The following SLC20A2 variants were observed in gnomAD, a reference collection of about 807,000 sequenced individuals.
The protein encoded by SLC20A2 is sodium-dependent phosphate transporter 2.
SLC20A2 carries 30 observed loss-of-function variants against 61.0 expected under a neutral mutation model. The ratio of observed to expected loss-of-function variants is 0.49; its 90% CI spans 0.37 to 0.67. The LOEUF (loss-of-function observed/expected upper bound fraction) is 0.67, where lower values mean the gene tolerates loss of function less well. SLC20A2 is among the 30% of genes least tolerant of loss of function. The pLI is 0.00. For synonymous variants in SLC20A2, 351 were observed against 353.3 expected (o/e 0.99, Z 0.07); for missense variants, 626 against 866.4 (o/e 0.72, Z 3.48).
intron 1 of SLC20A2, among the ~76,000 whole-genome samples, chr8:42,537,345 C>T (rs1266727346): frequency 1.4e-5 from 2 of 143,614 alleles, no homozygotes; most frequent in African/African-American, 2.7e-5. Flanking sequence ...TACTCTAACC[C>T]GGGCGACAGA....
At chr8:42,443,004 A>G (rs1348528681) in intron 6 of SLC20A2, among the ~76,000 whole-genome samples, 5 of 152,036 alleles carry the variant, frequency 3.3e-5, no homozygotes, top group African/African-American at 7.2e-5. Context: ...GGGAATAGGA[A>G]AACAGCCTTG....
chr8:42,427,209 T>C (rs931425480), intron 10 of SLC20A2, among the ~76,000 whole-genome samples: 17 of 152,296 alleles, frequency 1.1e-4, no homozygotes, highest in Admixed American at 9.2e-4. Context: ...GGCACGTTAC[T>C]TAACTTTCCT....
intron 1 of SLC20A2, among the ~76,000 whole-genome samples, chr8:42,490,810 T>C (rs1406703000): frequency 2.0e-5 from 3 of 152,194 alleles, no homozygotes. Flanking sequence ...GCACAGCAGC[T>C]GAGGCAGAAA....
Position 42,437,612 on chromosome 8 carries a change from CTT to C in SLC20A2, c.935-37_935-36del, listed in dbSNP as rs754056948. 1,518 of 1,174,066 alleles carry C rather than the reference CTT, an allele frequency of 1.3e-3. No individual in the cohort carries two copies. The highest frequency in any genetic ancestry group is 1.6e-3 in the Admixed American group (56 of 34,308). The allele number at this position is 1,174,066 out of a possible 1,614,324, so 72.7% of individuals were successfully genotyped here. ...GTTAGAGAAGGTCTCATTTTCCAGT[CTT>C]TTTTTTTTTTTTCTTTTCTTTTTGA... On this transcript the variant is annotated intron_variant, in intron 7 of 10. Coordinates refer to ENST00000520262, the MANE Select transcript of SLC20A2 (RefSeq NM_001257180.2). This position sits in a 1 kb window ranked among gnomAD's most constrained non-coding sequence, Gnocchi z 6.4.
chr8:42,496,766 C>T (rs1296685559), intron 1 of SLC20A2, among the ~76,000 whole-genome samples: 1 of 152,228 alleles, frequency 6.6e-6, no homozygotes, highest in African/African-American at 2.4e-5. Context: ...TTGCTTCCTG[C>T]TCCTAGGGTG....
intron 10 of SLC20A2, among the ~76,000 whole-genome samples, chr8:42,420,090 G>A (rs1802941645): frequency 6.6e-6 from 1 of 152,004 alleles, no homozygotes; most frequent in Admixed American, 6.6e-5. Flanking sequence ...GGTGGCTGAG[G>A]CAGGAGAATC....
intron 1 of SLC20A2, among the ~76,000 whole-genome samples, chr8:42,479,652 C>T (rs1437383285): frequency 6.6e-6 from 1 of 152,008 alleles, no homozygotes; most frequent in African/African-American, 2.4e-5. Context: ...ATAGCAAAAC[C>T]CTGTCTCTAC....
At position 42,428,830 on chromosome 8, in the gene SLC20A2, G is replaced by A. The variant is rs746543565; in HGVS notation, c.1722C>T (p.Ile574=). 9.4e-6 allele frequency: 15 copies of A among 1,600,644 alleles called. No homozygotes were observed. The highest frequency in any genetic ancestry group is 5.6e-5 in the South Asian group (5 of 89,222). ...TPITPSSGFT[I]ELASAFTVVI... is the part of the protein sequence containing the mutation. ...CCACTGTGAAGGCTGAGGCCAGCTC[G>A]ATCGTGAAGCCGCTGTGGGGGGAGC... Residue 574 remains isoleucine (I), a synonymous_variant, in exon 10 of 11, where the codon ATC becomes ATT. Coordinates refer to ENST00000520262, the MANE Select transcript of SLC20A2 (RefSeq NM_001257180.2).
At chr8:42,433,705 G>A (rs941400338) in intron 8 of SLC20A2, among the ~76,000 whole-genome samples, 1 of 152,216 alleles carries the variant, frequency 6.6e-6, no homozygotes. Flanking sequence ...TCTTTTTAAA[G>A]GCTAAATAAT....
chr8:42,521,989 T>A lies in SLC20A2; in HGVS notation c.-265+19832A>T, dbSNP rs1343010544. ...GAGGGTAAACAGGACCTCTCCGTAC[T>A]ACTTTTTTAACTTCCTGTGAGTCTG... On this transcript the variant is annotated intron_variant, in intron 1 of 10. Transcript: ENST00000342228. Among the ~76,000 whole-genome samples, 3 of 121,676 alleles carry A rather than the reference T, an allele frequency of 2.5e-5. No homozygotes were observed. In the Admixed American group the frequency reaches 2.5e-4, roughly 10 times the overall value. 79.8% of individuals were successfully genotyped at this position (121,676 alleles called of 152,430 possible).
At chr8:42,508,674 A>T (rs1281626216) in intron 1 of SLC20A2, among the ~76,000 whole-genome samples, 1 of 152,174 alleles carries the variant, frequency 6.6e-6, no homozygotes, top group Non-Finnish European at 1.5e-5. Context: ...TACAGGCGTG[A>T]GCCACCACAC....
In SLC20A2 at chr8:42,417,865, C is replaced by A. The variant is rs147025172; in HGVS notation, c.1897G>T (p.Ala633Ser). The part of the protein sequence containing the change: ...FVAWFVTVPV[A>S]GLFSAAVMAL... ...ATGACAGCAGCGCTGAACAGCCCAG[C>A]CACAGGGACGGTCACGAACCAGGCC... Residue 633 changes from alanine to serine, a missense_variant, in exon 11 of 11, where the codon GCT (alanine) becomes TCT (serine). Physicochemically the swap from Ala to Ser is moderately conservative, Grantham distance 99. Transcript: ENST00000520262. The A allele has an allele frequency of 1.4e-5, 22 of 1,614,170 alleles. No individual in the cohort carries two copies. In the Admixed American group the frequency reaches 1.7e-4, roughly 12 times the overall value.
At chr8:42,516,916 TCA>T (rs1452317742) in intron 1 of SLC20A2, among the ~76,000 whole-genome samples, 5 of 152,196 alleles carry the variant, frequency 3.3e-5, no homozygotes, top group Admixed American at 6.5e-5. Context: ...AGCAGCCACA[TCA>T]CAGAGATGCC....
intron 1 of SLC20A2, among the ~76,000 whole-genome samples, chr8:42,509,566 C>T (rs1016306175): frequency 4.6e-5 from 7 of 151,178 alleles, no homozygotes; most frequent in Admixed American, 2.0e-4. Flanking sequence ...GATTTCGTCT[C>T]TAAAAATAAA....
At chr8:42,486,525 TG>T (rs1809025809) in intron 1 of SLC20A2, among the ~76,000 whole-genome samples, 1 of 152,236 alleles carries the variant, frequency 6.6e-6, no homozygotes, top group Admixed American at 6.5e-5. Flanking sequence ...CTGCTAGCAA[TG>T]GATGGAATCT....
chr8:42,450,502 T>C (rs1404514857), intron 5 of SLC20A2, among the ~76,000 whole-genome samples: 1 of 152,014 alleles, frequency 6.6e-6, no homozygotes. Flanking sequence ...CTGCTGGGAT[T>C]ACAGGCATGA....
At chr8:42,475,395 C>T (rs949568813) in intron 1 of SLC20A2, among the ~76,000 whole-genome samples, 10 of 150,790 alleles carry the variant, frequency 6.6e-5, no homozygotes, top group African/African-American at 2.2e-4. Context: ...ATACCATGCC[C>T]GGCCCAGACT....
rs781177734 is a variant in SLC20A2 at position 42,437,069 on chromosome 8, G to A, written c.1443C>T (p.Pro481=). ...GGAAATGGAACAGGAGGTGAACCTC[G>A]GGTGCGTCCTTCTCCTCCTTCTCCT... ...AEEEKEEKDA[P]EVHLLFHFLQ... is the part of the protein sequence containing the mutation. The change falls in exon 8 of 11, where the codon CCC becomes CCT. Residue 481 remains proline (P), a synonymous_variant. Coordinates refer to ENST00000520262, the MANE Select transcript of SLC20A2 (RefSeq NM_001257180.2). The surrounding 1 kb of genome is among the most constrained non-coding windows in gnomAD (Gnocchi z 6.4). 26 of 1,613,928 alleles carry A rather than the reference G, an allele frequency of 1.6e-5. No homozygotes were observed. In the Admixed American group the frequency reaches 2.3e-4, roughly 14 times the overall value.
intron 2 of SLC20A2, among the ~76,000 whole-genome samples, chr8:42,468,689 G>A (rs1355313244): frequency 1.3e-5 from 2 of 151,836 alleles, no homozygotes; most frequent in African/African-American, 4.8e-5. Context: ...CGCCATTCCC[G>A]TGCAGATGAA....
Sources: allele counts gnomAD v4.1 joint callset (sites outside exome capture counted in the v4.1 genomes callset), GRCh38; gene constraint gnomAD v4.1.1; non-coding constraint Gnocchi (gnomAD v3.1); transcripts MANE v1.5; gene names NCBI Gene and HGNC (gene_info 2026-07-23, HGNC 2026-07-21).